Variants in MSRB3 observed in about 807,000 individuals in gnomAD.
The protein encoded by MSRB3 is methionine-R-sulfoxide reductase B3.
Under a neutral mutation model 21.0 loss-of-function variants are expected in MSRB3, and 13 were observed. The observed-to-expected ratio is 0.62, with a 90% CI of 0.40 to 0.98. The LOEUF is 0.98. Among genes scored for constraint, MSRB3 ranks in the 50% least tolerant of loss-of-function variants. The pLI, the probability that MSRB3 is intolerant of heterozygous loss-of-function variation, is 0.00. For missense variants in MSRB3, 199 were observed against 230.3 expected, an observed-to-expected ratio of 0.86 and a Z score of 0.88; for synonymous variants, 87 against 88.6, an observed-to-expected ratio of 0.98 and a Z score of 0.10.
intron 1 of MSRB3, among the ~76,000 whole-genome samples, chr12:65,286,953 C>G (rs570136894): frequency 7.8e-6 from 1 of 128,394 alleles, no homozygotes; most frequent in Non-Finnish European, 1.6e-5. Flanking sequence ...CCCAGGAGTT[C>G]GAGGCTACAG....
chr12:65,399,664 A>C (rs1469917976), intron 5 of MSRB3, among the ~76,000 whole-genome samples: 1 of 152,176 alleles, frequency 6.6e-6, no homozygotes, highest in African/African-American at 2.4e-5. Context: ...GAGAGAGGGC[A>C]TCCTTGTCTT....
chr12:65,284,816 CT>C (rs1872245990), intron 1 of MSRB3: 1 of 152,172 alleles, frequency 6.6e-6, no homozygotes, highest in Non-Finnish European at 1.5e-5. Context: ...CATTTACTAA[CT>C]TGAGAGATAA....
chr12:65,369,125 A>T, intron 5 of MSRB3, 99 bp downstream of exon 5: 1 of 914,596 alleles, frequency 1.1e-6, no homozygotes, highest in Non-Finnish European at 1.8e-6. Flanking sequence ...TTTTAAACAG[A>T]CTAGGCGGTT....
intron 4 of MSRB3, among the ~76,000 whole-genome samples, chr12:65,358,609 A>G (rs1361112715): frequency 6.6e-6 from 1 of 151,436 alleles, no homozygotes; most frequent in Non-Finnish European, 1.5e-5. Context: ...ATCCAGGTTT[A>G]TCTTGTATAT....
chr12:65,306,801 G>A lies in MSRB3; in HGVS notation c.-51-1728G>A, dbSNP rs1463938848. 6 of 953,026 alleles carry A rather than the reference G, an allele frequency of 6.3e-6. No individual in the cohort carries two copies. In the African/African-American group the frequency reaches 1.1e-4, roughly 17 times the overall value. 59.0% of individuals were successfully genotyped at this position (953,026 alleles called of 1,614,324 possible). A position where few individuals can be genotyped will look rare whatever the true frequency, so the allele number is the denominator to read the frequency against. On this transcript the variant is annotated intron_variant, in intron 1 of 6. Coordinates refer to ENST00000308259, the MANE Select transcript of MSRB3 (RefSeq NM_001031679.3). Reference sequence around the variant, plus strand: ...AGTCATATCATGCTGGAGGGCTCCCGGTATTTGTGGCCCTCAGGTTTTAAT... The same window carrying A: ...AGTCATATCATGCTGGAGGGCTCCCAGTATTTGTGGCCCTCAGGTTTTAAT...
intron 6 of MSRB3, among the ~76,000 whole-genome samples, chr12:65,460,821 A>C (rs1429330447): frequency 6.6e-6 from 1 of 151,088 alleles, no homozygotes. Context: ...CTAGTACCAG[A>C]TTAGCAAATG....
intron 1 of MSRB3, among the ~76,000 whole-genome samples, chr12:65,304,393 T>C (rs1376536474): frequency 6.6e-6 from 1 of 152,228 alleles, no homozygotes; most frequent in African/African-American, 2.4e-5. Context: ...TCATTAGGTA[T>C]TGTGCAGTCA....
intron 1 of MSRB3, 38 bp downstream of exon 1, chr12:65,278,903 AC>A (rs949277353): frequency 2.0e-5 from 31 of 1,538,222 alleles, no homozygotes; most frequent in Non-Finnish European, 2.5e-5. Context: ...TCCTCGCCTC[AC>A]CCCTCCCACC....
chr12:65,357,525 G>A (rs1419843250), intron 4 of MSRB3, among the ~76,000 whole-genome samples: 5 of 151,892 alleles, frequency 3.3e-5, no homozygotes, highest in African/African-American at 9.7e-5. Context: ...ATATTGGTAC[G>A]TAATTATTAA....
chr12:65,323,733 T>G (rs951748134), intron 2 of MSRB3, among the ~76,000 whole-genome samples: 1 of 152,182 alleles, frequency 6.6e-6, no homozygotes, highest in Admixed American at 6.5e-5. Context: ...TGGCACCATA[T>G]GACTTTAGAA....
At chr12:65,347,301 G>A (rs868516399) in intron 4 of MSRB3, among the ~76,000 whole-genome samples, 9 of 151,918 alleles carry the variant, frequency 5.9e-5, no homozygotes, top group South Asian at 2.1e-4. Context: ...GATCCTTCAC[G>A]TCCCTTGTAA....
intron 5 of MSRB3, among the ~76,000 whole-genome samples, chr12:65,414,324 A>G (rs1310694738): frequency 2.6e-5 from 4 of 152,148 alleles, no homozygotes; most frequent in African/African-American, 9.7e-5. Flanking sequence ...TATAGGAATG[A>G]GGTATGGTAG....
chr12:65,369,912 A>G (rs1878224971), intron 5 of MSRB3, among the ~76,000 whole-genome samples: 1 of 152,196 alleles, frequency 6.6e-6, no homozygotes, highest in Admixed American at 6.5e-5. Context: ...TTTACTTATT[A>G]TATTCACAAA....
chr12:65,322,827 A>G (rs1027581658), intron 2 of MSRB3, among the ~76,000 whole-genome samples: 8 of 152,168 alleles, frequency 5.3e-5, no homozygotes, highest in Admixed American at 5.2e-4. Context: ...AATGGGCATG[A>G]CAGCCACGTT....
intron 1 of MSRB3, among the ~76,000 whole-genome samples, chr12:65,292,106 A>C (rs900389513): frequency 6.6e-6 from 1 of 152,212 alleles, no homozygotes; most frequent in African/African-American, 2.4e-5. Flanking sequence ...TATTCCACTG[A>C]AACAGTTTTG....
intron 6 of MSRB3, among the ~76,000 whole-genome samples, chr12:65,460,293 T>C (rs1883263622): frequency 6.6e-6 from 1 of 152,204 alleles, no homozygotes; most frequent in South Asian, 2.1e-4. Context: ...TCCTCCCAGC[T>C]TTCCCAAGGC....
chr12:65,373,431 C>A (rs901757251), intron 5 of MSRB3, among the ~76,000 whole-genome samples: 6 of 152,104 alleles, frequency 3.9e-5, no homozygotes, highest in Non-Finnish European at 7.4e-5. Flanking sequence ...GTGGTCCCAA[C>A]CTTATCAGGC....
At chr12:65,283,389 A>G (rs938229100) in intron 1 of MSRB3, among the ~76,000 whole-genome samples, 2 of 151,058 alleles carry the variant, frequency 1.3e-5, no homozygotes, top group Non-Finnish European at 2.9e-5. Context: ...TATATATTCA[A>G]CTTCACTAAA....
chr12:65,402,230 C>T (rs1880168269), intron 5 of MSRB3, among the ~76,000 whole-genome samples: 1 of 152,148 alleles, frequency 6.6e-6, no homozygotes, highest in African/African-American at 2.4e-5. Flanking sequence ...CCATTCTCCC[C>T]ATCACTTTCG....
Sources: gnomAD v4.1 joint callset for allele counts (sites outside exome capture counted in the v4.1 genomes callset) on GRCh38, gnomAD v4.1.1 for gene constraint, MANE v1.5 for transcripts, NCBI Gene and HGNC (gene_info 2026-07-23, HGNC 2026-07-21) for gene names.